Variants in FAM9C observed in about 807,000 individuals in gnomAD.
FAM9C encodes the protein protein FAM9C.
A neutral mutation model predicts 14.8 loss-of-function variants in FAM9C; 15 were observed. The observed-to-expected ratio is 1.02, with a 90% CI of 0.68 to 1.56. The LOEUF (loss-of-function observed/expected upper bound fraction) is 1.56. Ranked by LOEUF, FAM9C falls within the 40% of genes most tolerant of loss-of-function variation. The probability of loss-of-function intolerance (pLI) is 0.00; values close to 1 mark genes in which losing one functional copy is unlikely to be tolerated. For missense variants in FAM9C, 116 were observed against 118.0 expected, an observed-to-expected ratio of 0.98 and a Z score of 0.08; for synonymous variants, 45 against 37.5, an observed-to-expected ratio of 1.20 and a Z score of -0.74.
chrX:13,043,586 C>G, intron 2 of FAM9C, 143 bp downstream of exon 2: 1 of 718,355 alleles, frequency 1.4e-6, no homozygotes, highest in Non-Finnish European at 2.1e-6. Context: ...CTTTGAAAAC[C>G]TGGGGCATCT....
intron 7 of FAM9C, chrX:13,037,768 C>T (rs1363019479): frequency 1.8e-5 from 2 of 113,039 alleles, no homozygotes; most frequent in Admixed American, 9.4e-5. Flanking sequence ...ATGTGCTGTA[C>T]GACAGCAGAT....
At position 13,041,356 on chromosome X, in the gene FAM9C, G is replaced by A. The variant is rs1243209851; in HGVS notation, c.215-484C>T. 4 of 110,873 alleles carry A rather than the reference G, an allele frequency of 3.6e-5. No individual in the cohort carries two copies. The East Asian group carries it at 1.1e-3, about 31-fold the overall frequency. 9.1% of individuals were successfully genotyped at this position (110,873 alleles called of 1,213,427 possible). On this transcript the variant is annotated intron_variant, in intron 4 of 7. Coordinates refer to ENST00000380625, the MANE Select transcript of FAM9C (RefSeq NM_174901.6). Reference sequence around the variant, plus strand: ...CGCCCGGCTAATTTTTATATTTTTAGTGGAGACGGGGTTTCACCGTGTTAG... The same window carrying A: ...CGCCCGGCTAATTTTTATATTTTTAATGGAGACGGGGTTTCACCGTGTTAG...
At position 13,038,505 on chromosome X, in the gene FAM9C, T is replaced by C; in HGVS notation, c.439-2A>G. 8.3e-6 allele frequency: 10 copies of C among 1,203,529 alleles called. No individual in the cohort carries two copies. Among genetic ancestry groups the C allele is most frequent in the Non-Finnish European group, 1.1e-5 (10 of 891,788 alleles). On this transcript the variant is annotated splice_acceptor_variant, in intron 6 of 7. Transcript: ENST00000380625. LOFTEE classifies it high-confidence loss of function. ...CTTTTGTTGCTCTTGAAATATTTTC[T>C]AGAGGCACAAAACAAAAAAGTGATT...
At chrX:13,041,016 A>T in intron 4 of FAM9C, 144 bp from the exon 5 acceptor site, 1 of 354,377 alleles carries the variant, frequency 2.8e-6, no homozygotes, top group Non-Finnish European at 4.8e-6. Flanking sequence ...TCAAAAAGCA[A>T]GATTTACTTA....
intron 7 of FAM9C, chrX:13,036,919 A>T (rs1032252869): frequency 3.8e-5 from 4 of 104,324 alleles, no homozygotes; most frequent in African/African-American, 1.4e-4. Context: ...TCAATCGATC[A>T]AAAAAAAAAA....
In FAM9C at chrX:13,043,241, A is replaced by T. The variant is rs1287324418; in HGVS notation, c.69T>A (p.Asp23Glu). The T allele has an allele frequency of 1.7e-6, 2 of 1,197,521 alleles. No individual in the cohort carries two copies. Among genetic ancestry groups the T allele is most frequent in the Non-Finnish European group, 2.2e-6 (2 of 891,280 alleles). The change falls in exon 3 of 8, where the codon GAT (aspartate) becomes GAA (glutamate). Residue 23 changes from aspartate to glutamate, a missense_variant. Asp to Glu is a conservative substitution (Grantham distance 45, BLOSUM62 2). Transcript: ENST00000380625. The part of the protein sequence containing the change: ...AAQEMELAGK[D>E]PVSHEHEERK... ...TTTCCTCATGCTCATGACTTACTGGATCCTTTCCTGCATTAAAATAAAAAA... is the reference window on the plus strand; with the variant it reads ...TTTCCTCATGCTCATGACTTACTGGTTCCTTTCCTGCATTAAAATAAAAAA...
intron 5 of FAM9C, 27 bp downstream of exon 5, chrX:13,040,731 A>T (rs1232860561): frequency 1.0e-6 from 1 of 985,937 alleles, no homozygotes; most frequent in East Asian, 3.2e-5. Flanking sequence ...TATAAATATC[A>T]TTATTCAAAA....
chrX:13,043,011 G>C, intron 3 of FAM9C, 62 bp from the exon 4 acceptor site: 4 of 1,163,670 alleles, frequency 3.4e-6, no homozygotes, highest in African/African-American at 3.6e-5. Flanking sequence ...TTGTTTGTTG[G>C]GAAGAAATGT....
intron 1 of FAM9C, 70 bp from the exon 2 acceptor site, chrX:13,043,927 G>A: frequency 3.1e-6 from 2 of 637,950 alleles, no homozygotes; most frequent in Non-Finnish European, 4.9e-6. Flanking sequence ...CATCAGGATC[G>A]CAGGTTCAAG....
intron 4 of FAM9C, chrX:13,041,975 C>T (rs1339626835): frequency 1.8e-5 from 2 of 112,214 alleles, no homozygotes; most frequent in Non-Finnish European, 3.8e-5. Context: ...TTTGTCACCA[C>T]CAAGCAGAGC....
intron 2 of FAM9C, 44 bp from the exon 3 acceptor site, chrX:13,043,292 C>T: frequency 8.6e-7 from 1 of 1,161,245 alleles, no homozygotes; most frequent in Admixed American, 2.8e-5. Flanking sequence ...GAGGAAGACG[C>T]TGTTGTGGAC....
Position 13,040,761 on chromosome X carries a change from T to C in FAM9C, c.326A>G (p.Lys109Arg). The change falls in exon 5 of 8, where the codon AAA (lysine) becomes AGA (arginine). Residue 109 changes from lysine to arginine, a missense_variant. Coordinates refer to ENST00000380625, the MANE Select transcript of FAM9C (RefSeq NM_174901.6). ...IKNVLRTTQLKRQKRDYRISL... is the reference protein window; with the variant it reads ...IKNVLRTTQLRRQKRDYRISL... The stretch of plus-strand genomic sequence containing the variant: ...TCAAAAAAGCCAACAATCATACCTT[T>C]TTAGTTGTGTTGTTCTCAAAACATT... 1 of 1,152,638 alleles carries C rather than the reference T, an allele frequency of 8.7e-7. No homozygotes were observed. Among genetic ancestry groups the C allele is most frequent in the Non-Finnish European group, 1.2e-6 (1 of 858,593 alleles). 95.0% of individuals were successfully genotyped at this position (1,152,638 alleles called of 1,213,427 possible).
chrX:13,040,698 C>T, intron 5 of FAM9C, 60 bp downstream of exon 5: 1 of 810,662 alleles, frequency 1.2e-6, no homozygotes. Flanking sequence ...AAATTATTTG[C>T]ACCAATGAAT....
intron 7 of FAM9C, 66 bp downstream of exon 7, chrX:13,038,350 T>G: frequency 1.1e-6 from 1 of 876,245 alleles, no homozygotes; most frequent in Non-Finnish European, 1.5e-6. Flanking sequence ...ACAAGCAGAT[T>G]GTCTTCTATT....
rs981648001 is a variant in FAM9C, at chrX:13,035,765, G to A, written c.*279C>T. ...TTTAATTGACTGTGTATGTAACTGTGCAATTGCTGCTTTCTCACAGAACTG... is the reference window on the plus strand; with the variant it reads ...TTTAATTGACTGTGTATGTAACTGTACAATTGCTGCTTTCTCACAGAACTG... On this transcript the variant is annotated 3_prime_UTR_variant, in exon 8 of 8. Transcript: ENST00000380625. 5.3e-5 allele frequency: 6 copies of A among 112,366 alleles called. No homozygotes were observed. Among genetic ancestry groups the A allele is most frequent in the African/African-American group, 9.7e-5 (3 of 30,997 alleles). 9.3% of individuals were successfully genotyped at this position (112,366 alleles called of 1,213,427 possible).
rs1335947181 is a variant in FAM9C at position 13,035,776 on chromosome X, T to C, written c.*268A>G. ...GTGTATGTAACTGTGCAATTGCTGC[T>C]TTCTCACAGAACTGTCTAGGGTTCA... On this transcript the variant is annotated 3_prime_UTR_variant, in exon 8 of 8. Coordinates refer to ENST00000380625, the MANE Select transcript of FAM9C (RefSeq NM_174901.6). The C allele has an allele frequency of 8.9e-6, 1 of 112,581 alleles. No individual in the cohort carries two copies. Among genetic ancestry groups the C allele is most frequent in the Non-Finnish European group, 1.9e-5 (1 of 53,221 alleles). 9.3% of individuals were successfully genotyped at this position (112,581 alleles called of 1,213,427 possible).
Position 13,035,883 on chromosome X carries a change from A to C in FAM9C, c.*161T>G, listed in dbSNP as rs1393415335. 1 of 112,345 alleles carries C rather than the reference A, an allele frequency of 8.9e-6. No homozygotes were observed. The highest frequency in any genetic ancestry group is 1.9e-5 in the Non-Finnish European group (1 of 53,189). The allele number at this position is 112,345 out of a possible 1,213,427, so 9.3% of individuals were successfully genotyped here. A position where few individuals can be genotyped will look rare whatever the true frequency, so the allele number is the denominator to read the frequency against. On this transcript the variant is annotated 3_prime_UTR_variant, in exon 8 of 8. Coordinates refer to ENST00000380625, the MANE Select transcript of FAM9C (RefSeq NM_174901.6). Reference sequence around the variant, plus strand: ...AGATATACTAATTTATACAAGAATTAACTAAACACTGTCATGTGGTTTAGT... The same window carrying C: ...AGATATACTAATTTATACAAGAATTCACTAAACACTGTCATGTGGTTTAGT...
intron 7 of FAM9C, chrX:13,038,001 A>T (rs1569135315): frequency 8.8e-6 from 1 of 113,850 alleles, no homozygotes; most frequent in East Asian, 2.7e-4. Flanking sequence ...CTCTTGAAAC[A>T]ACACAAGTAA....
intron 5 of FAM9C, 53 bp from the exon 6 acceptor site, chrX:13,039,969 A>C: frequency 9.7e-7 from 1 of 1,028,017 alleles, no homozygotes; most frequent in Non-Finnish European, 1.3e-6. Context: ...ATGAAAAATT[A>C]ATCCTATTCA....
Sources: allele counts gnomAD v4.1 joint callset, GRCh38; gene constraint gnomAD v4.1.1; transcripts MANE v1.5; gene names NCBI Gene and HGNC (gene_info 2026-07-23, HGNC 2026-07-21).